SAMD3: variants seen among roughly 807,000 people sequenced by gnomAD.
The protein encoded by SAMD3 is sterile alpha motif domain-containing protein 3.
A neutral mutation model predicts 58.5 loss-of-function variants in SAMD3; 63 were observed. The ratio of observed to expected loss-of-function variants is 1.08; its 90% CI spans 0.88 to 1.33. The LOEUF (loss-of-function observed/expected upper bound fraction) is 1.33, where lower values mean the gene tolerates loss of function less well. SAMD3 is among the 40% of genes most tolerant of loss of function. The pLI is 0.00. For missense variants in SAMD3, 604 were observed against 608.4 expected, an observed-to-expected ratio of 0.99 and a Z score of 0.08; for synonymous variants, 220 against 210.3, an observed-to-expected ratio of 1.05 and a Z score of -0.40.
chr6:130,279,854 T>A, intron 2 of SAMD3, among the ~76,000 whole-genome samples: 1 of 152,106 alleles, frequency 6.6e-6, no homozygotes, highest in Non-Finnish European at 1.5e-5. Context: ...AACGGACTAA[T>A]ACACCACCTG....
At chr6:130,268,430 A>T (rs1380994099) in intron 2 of SAMD3, among the ~76,000 whole-genome samples, 2 of 152,170 alleles carry the variant, frequency 1.3e-5, no homozygotes, top group Non-Finnish European at 2.9e-5. Context: ...ATTTTAGTGT[A>T]GCCTAAGTGT....
intron 9 of SAMD3, among the ~76,000 whole-genome samples, chr6:130,150,866 C>G (rs544751531): frequency 6.6e-6 from 1 of 152,184 alleles, no homozygotes; most frequent in South Asian, 2.1e-4. Context: ...TGTGTGCCAC[C>G]ACACCCGGCT....
intron 1 of SAMD3, among the ~76,000 whole-genome samples, chr6:130,337,344 G>T (rs147210537): frequency 0.019 from 2,903 of 152,178 alleles, 90 homozygotes; most frequent in African/African-American, 0.065. Context: ...GTTTCCTGAG[G>T]CCTCCTCAGC....
intron 5 of SAMD3, among the ~76,000 whole-genome samples, chr6:130,188,490 G>A (rs1325495252): frequency 6.6e-6 from 1 of 152,202 alleles, no homozygotes; most frequent in Non-Finnish European, 1.5e-5. Context: ...TGTGGTCTCG[G>A]CAAAGATGTG....
intron 2 of SAMD3, among the ~76,000 whole-genome samples, chr6:130,275,487 G>A (rs1489817282): frequency 6.6e-6 from 1 of 152,038 alleles, no homozygotes; most frequent in Non-Finnish European, 1.5e-5. Flanking sequence ...GAACTTTGGA[G>A]GAATCACAAG....
chr6:130,296,861 C>G (rs1038447455), intron 2 of SAMD3, among the ~76,000 whole-genome samples: 5 of 152,144 alleles, frequency 3.3e-5, no homozygotes, highest in Non-Finnish European at 7.4e-5. Flanking sequence ...GTCATGAGCC[C>G]TATGACAGGG....
At chr6:130,273,785 ATACTTTTACTCCCCGC>A (rs1774668923) in intron 2 of SAMD3, among the ~76,000 whole-genome samples, 1 of 152,154 alleles carries the variant, frequency 6.6e-6, no homozygotes, top group African/African-American at 2.4e-5. Context: ...AAATATCTCT[ATACTTTTACTCCCCGC>A]TACACAATTT....
chr6:130,230,997 C>A (rs1404570261), intron 2 of SAMD3, among the ~76,000 whole-genome samples: 1 of 151,926 alleles, frequency 6.6e-6, no homozygotes, highest in Non-Finnish European at 1.5e-5. Context: ...TTCAACAGTG[C>A]TATTAATGAC....
intron 2 of SAMD3, among the ~76,000 whole-genome samples, chr6:130,245,648 G>C (rs567661867): frequency 3.3e-5 from 5 of 152,328 alleles, no homozygotes; most frequent in African/African-American, 9.6e-5. Flanking sequence ...ATAAGCTTAA[G>C]CTTCTTCTCA....
intron 2 of SAMD3, among the ~76,000 whole-genome samples, chr6:130,229,560 T>C (rs1162689356): frequency 2.6e-5 from 4 of 152,196 alleles, no homozygotes; most frequent in African/African-American, 9.7e-5. Context: ...GACACTTTCT[T>C]AAACAGTGAG....
intron 2 of SAMD3, among the ~76,000 whole-genome samples, chr6:130,265,377 C>T (rs1774303278): frequency 6.6e-6 from 1 of 152,158 alleles, no homozygotes; most frequent in Admixed American, 6.5e-5. Flanking sequence ...GCTTCAGTCA[C>T]ACCTGGAAGC....
intron 5 of SAMD3, among the ~76,000 whole-genome samples, chr6:130,200,721 G>A (rs1174840889): frequency 6.6e-6 from 1 of 152,138 alleles, no homozygotes; most frequent in Non-Finnish European, 1.5e-5. Flanking sequence ...GAGGAATATA[G>A]AAAACTGGGT....
At chr6:130,308,585 T>C (rs1226416886) in intron 2 of SAMD3, among the ~76,000 whole-genome samples, 1 of 151,986 alleles carries the variant, frequency 6.6e-6, no homozygotes, top group Non-Finnish European at 1.5e-5. Context: ...AATGAATTTC[T>C]GGGCTAGTAA....
At chr6:130,271,567 T>G (rs546514416) in intron 2 of SAMD3, among the ~76,000 whole-genome samples, 2 of 152,360 alleles carry the variant, frequency 1.3e-5, no homozygotes, top group African/African-American at 4.8e-5. Flanking sequence ...AATATTTTGT[T>G]GGTCATATGT....
At chr6:130,209,877 A>G (rs1343094399) in intron 4 of SAMD3, among the ~76,000 whole-genome samples, 2 of 152,240 alleles carry the variant, frequency 1.3e-5, no homozygotes, top group Non-Finnish European at 2.9e-5. Flanking sequence ...GCATTAAGAC[A>G]ATACCTTCCT....
intron 1 of SAMD3, among the ~76,000 whole-genome samples, chr6:130,339,161 C>T (rs1290622075): frequency 6.6e-6 from 1 of 152,180 alleles, no homozygotes; most frequent in African/African-American, 2.4e-5. Context: ...ATTCTCCTGC[C>T]TCAGCCTCCC....
intron 2 of SAMD3, among the ~76,000 whole-genome samples, chr6:130,292,292 C>T (rs1267353742): frequency 9.9e-5 from 12 of 120,798 alleles, no homozygotes; most frequent in Admixed American, 3.0e-4. Context: ...TTTTTTGAGA[C>T]GGAGTCTCGC....
chr6:130,144,378 G>A lies in SAMD3; in HGVS notation c.*142C>T, dbSNP rs1788424021. ...AACTTAATATCTAAGTGTAAAGATAGAAAGCATTGAAATTCATTAGCATCT... is the reference window on the plus strand; with the variant it reads ...AACTTAATATCTAAGTGTAAAGATAAAAAGCATTGAAATTCATTAGCATCT... On this transcript the variant is annotated 3_prime_UTR_variant, in exon 12 of 12. Coordinates refer to ENST00000439090, the MANE Select transcript of SAMD3 (RefSeq NM_001017373.4). The A allele has an allele frequency of 2.9e-6, 2 of 690,144 alleles. No homozygotes were observed. Among genetic ancestry groups the A allele is most frequent in the Non-Finnish European group, 4.7e-6 (2 of 424,464 alleles). 42.8% of individuals were successfully genotyped at this position (690,144 alleles called of 1,614,324 possible).
intron 2 of SAMD3, among the ~76,000 whole-genome samples, chr6:130,301,190 G>A (rs1169778952): frequency 2.6e-5 from 4 of 152,096 alleles, no homozygotes; most frequent in African/African-American, 4.8e-5. Context: ...TGGTGTATAT[G>A]TGCCACATTT....
Sources: allele counts gnomAD v4.1 joint callset (sites outside exome capture counted in the v4.1 genomes callset), GRCh38; gene constraint gnomAD v4.1.1; transcripts MANE v1.5; gene names NCBI Gene and HGNC (gene_info 2026-07-23, HGNC 2026-07-21).